The following DNMT3A variants were observed in gnomAD, a reference collection of about 807,000 sequenced individuals.
The protein encoded by DNMT3A is DNA (cytosine-5)-methyltransferase 3A.
Under a neutral mutation model 117.6 loss-of-function variants are expected in DNMT3A, and 267 were observed. That is an observed-to-expected ratio of 2.27 (90% CI 2.05 to 2.51). DNMT3A has a LOEUF of 2.51. Among genes scored for constraint, DNMT3A ranks in the 30% most tolerant of loss-of-function variants. The pLI is 0.00. For synonymous variants in DNMT3A, 432 were observed against 474.8 expected (o/e 0.91, Z 1.17); for missense variants, 1,029 against 1,260.2 (o/e 0.82, Z 2.78).
intron 6 of DNMT3A, among the ~76,000 whole-genome samples, chr2:25,259,789 G>A (rs1043204965): frequency 6.6e-5 from 10 of 152,292 alleles, no homozygotes; most frequent in Middle Eastern, 3.4e-3. Flanking sequence ...TCAGATTCAG[G>A]CATGCAGACC....
rs762563426 is a variant in DNMT3A, at chr2:25,246,761, C to A, written c.1138G>T (p.Ala380Ser). ...YEVLQVASSRAGKLFPVCHDS... is the reference protein window; with the variant it reads ...YEVLQVASSRSGKLFPVCHDS... ...TGGCACACCGGGAACAGCTTCCCCG[C>A]GCGGCTGCTGGCCACCTGGAGGGTG... The change falls in exon 10 of 23, where the codon GCG becomes TCG. Residue 380 changes from alanine (A) to serine (S), a missense_variant. Coordinates refer to ENST00000321117, the MANE Select transcript of DNMT3A (RefSeq NM_022552.5). 6.2e-7 allele frequency: 1 copy of A among 1,613,602 alleles called. No individual in the cohort carries two copies.
chr2:25,296,130 G>A lies in DNMT3A; in HGVS notation c.177+4009C>T, dbSNP rs2033073807. Among the ~76,000 whole-genome samples, 1 of 152,244 alleles carries A rather than the reference G, an allele frequency of 6.6e-6. No individual in the cohort carries two copies. Among genetic ancestry groups the A allele is most frequent in the Non-Finnish European group, 1.5e-5 (1 of 68,048 alleles). ...CAGGTGACAACAAATGCTTCTCAAAGTGAGGTCTGCAGACCACTGCAGTCC... is the reference window on the plus strand; with the variant it reads ...CAGGTGACAACAAATGCTTCTCAAAATGAGGTCTGCAGACCACTGCAGTCC... On this transcript the variant is annotated intron_variant, in intron 3 of 22. Transcript: ENST00000321117. This position sits in a 1 kb window ranked among gnomAD's most constrained non-coding sequence, Gnocchi z 4.2.
intron 1 of DNMT3A, among the ~76,000 whole-genome samples, chr2:25,322,543 T>C (rs1461123865): frequency 2.0e-5 from 3 of 150,958 alleles, no homozygotes; most frequent in Middle Eastern, 6.8e-3. Flanking sequence ...GCTGCCTGCA[T>C]CCGTAACCCC....
chr2:25,336,125 C>A (rs2035206627), intron 1 of DNMT3A, among the ~76,000 whole-genome samples: 1 of 152,246 alleles, frequency 6.6e-6, no homozygotes, highest in African/African-American at 2.4e-5. Context: ...GAAGGCCCTG[C>A]CCACCAGCTG....
intron 3 of DNMT3A, among the ~76,000 whole-genome samples, chr2:25,284,053 G>A (rs2032095066): frequency 6.6e-6 from 1 of 152,198 alleles, no homozygotes; most frequent in Non-Finnish European, 1.5e-5. Context: ...AAGAAGAATG[G>A]AGGTGTCCAG....
In DNMT3A at chr2:25,282,418, T is replaced by A. The variant is rs181544799; in HGVS notation, c.448+23A>T. ...GTATGCTGGTGGGCCCAGAAGAGGC[T>A]GCCCCTGGTGCTGAGGACTCACCCG... On this transcript the variant is annotated intron_variant, in intron 4 of 22. Transcript: ENST00000321117. The surrounding 1 kb of genome is among the most constrained non-coding windows in gnomAD (Gnocchi z 5.2). 111 of 1,608,234 alleles carry A rather than the reference T, an allele frequency of 6.9e-5. No homozygotes were observed. In the Admixed American group the frequency reaches 1.8e-3, roughly 27 times the overall value.
At chr2:25,324,450 AAC>A (rs1025625668) in intron 1 of DNMT3A, among the ~76,000 whole-genome samples, 15 of 152,334 alleles carry the variant, frequency 9.8e-5, no homozygotes, top group African/African-American at 3.6e-4. Context: ...GAGCATGCTA[AAC>A]ACACATCTCA....
Position 25,314,104 on chromosome 2 carries a change from A to G in DNMT3A, c.-120T>C. 1 of 1,433,954 alleles carries G rather than the reference A, an allele frequency of 7.0e-7. No homozygotes were observed. The highest frequency in any genetic ancestry group is 2.8e-5 in the Admixed American group (1 of 35,702). 88.8% of individuals were successfully genotyped at this position (1,433,954 alleles called of 1,614,324 possible). A position where few individuals can be genotyped will look rare whatever the true frequency, so the allele number is the denominator to read the frequency against. On this transcript the variant is annotated 5_prime_UTR_variant, in exon 2 of 23. Transcript: ENST00000321117. ...AACTTAAACATAGATCCCGGTGTTG[A>G]GCCCTCTGGTGAACGGTGCCTCTGT...
intron 4 of DNMT3A, among the ~76,000 whole-genome samples, chr2:25,277,318 C>T (rs2031505321): frequency 6.6e-6 from 1 of 152,170 alleles, no homozygotes; most frequent in East Asian, 1.9e-4. Flanking sequence ...CCAGCCTGTC[C>T]GGGGCCTCCC....
At chr2:25,310,269 GCC>G (rs1248078895) in intron 2 of DNMT3A, among the ~76,000 whole-genome samples, 1 of 151,094 alleles carries the variant, frequency 6.6e-6, no homozygotes, top group Non-Finnish European at 1.5e-5. Flanking sequence ...TGCTCCCTCT[GCC>G]CCCCACCCTC....
At chr2:25,323,097 A>T (rs1272839131) in intron 1 of DNMT3A, among the ~76,000 whole-genome samples, 1 of 151,932 alleles carries the variant, frequency 6.6e-6, no homozygotes, top group Non-Finnish European at 1.5e-5. Context: ...CCCTCACCCC[A>T]GGCAAGTGGT....
chr2:25,266,364 C>T (rs2030347598), intron 6 of DNMT3A, among the ~76,000 whole-genome samples: 1 of 152,204 alleles, frequency 6.6e-6, no homozygotes, highest in African/African-American at 2.4e-5. Flanking sequence ...AAAACTGCTT[C>T]CCATACAGTT....
Position 25,337,400 on chromosome 2 carries a change from T to G in DNMT3A, c.-178+4426A>C, listed in dbSNP as rs955679528. On this transcript the variant is annotated intron_variant, in intron 1 of 22. Transcript: ENST00000321117. This position sits in a 1 kb window ranked among gnomAD's most constrained non-coding sequence, Gnocchi z 5.0. ...CAGCTAACAGGAGGGCTCCCGCTCCTCTAAGGCTGTAACGCACATGATCTC... is the reference window on the plus strand; with the variant it reads ...CAGCTAACAGGAGGGCTCCCGCTCCGCTAAGGCTGTAACGCACATGATCTC... Among the ~76,000 whole-genome samples the G allele has an allele frequency of 6.6e-6, 1 of 152,204 alleles. No individual in the cohort carries two copies. The highest frequency in any genetic ancestry group is 2.4e-5 in the African/African-American group (1 of 41,442).
intron 1 of DNMT3A, among the ~76,000 whole-genome samples, chr2:25,326,120 G>A (rs1394156010): frequency 2.0e-5 from 3 of 149,838 alleles, no homozygotes; most frequent in Admixed American, 6.6e-5. Context: ...GTGTGTGTGT[G>A]TGTGTGTGTG....
intron 6 of DNMT3A, among the ~76,000 whole-genome samples, chr2:25,269,987 G>A (rs1310976542): frequency 1.3e-5 from 2 of 152,190 alleles, no homozygotes; most frequent in African/African-American, 2.4e-5. Context: ...TGGGGAGTGC[G>A]TTCCCAGGGA....
rs562885365 is a variant in DNMT3A, at chr2:25,312,371, C to T, written c.72+1542G>A. ...CAGAAGGGAGGAGCCTGATCGGTCG[C>T]CCCGGGCGTCCTGCCCAGTGGGCCG... On this transcript the variant is annotated intron_variant, in intron 2 of 22. Transcript: ENST00000321117. 2.6e-5 allele frequency among the ~76,000 whole-genome samples: 4 copies of T among 152,356 alleles called. No homozygotes were observed. In the South Asian group the frequency reaches 8.3e-4, roughly 32 times the overall value.
chr2:25,250,564 C>A (rs1437157540), intron 6 of DNMT3A, among the ~76,000 whole-genome samples: 1 of 152,198 alleles, frequency 6.6e-6, no homozygotes, highest in Non-Finnish European at 1.5e-5. Flanking sequence ...AATTAGCCAT[C>A]GCCTCCTCCC....
Position 25,328,859 on chromosome 2 carries a change from T to G in DNMT3A, c.-178+12967A>C, listed in dbSNP as rs115636207. On this transcript the variant is annotated intron_variant, in intron 1 of 22. Transcript: ENST00000321117. ...GCCCCAGATCCCCAAGGTGAAGGGG[T>G]TGGTGAGGGCCTAGGCTATCAGTGA... 8.8e-3 allele frequency: 3,440 copies of G among 390,812 alleles called. 111 individuals carry two copies. Among genetic ancestry groups the G allele is most frequent in the African/African-American group, 0.065 (3,159 of 48,252 alleles). The allele number at this position is 390,812 out of a possible 1,614,324, so 24.2% of individuals were successfully genotyped here. A position where few individuals can be genotyped will look rare whatever the true frequency, so the allele number is the denominator to read the frequency against.
At chr2:25,329,884 C>T (rs956058761) in intron 1 of DNMT3A, among the ~76,000 whole-genome samples, 4 of 152,186 alleles carry the variant, frequency 2.6e-5, no homozygotes, top group Non-Finnish European at 5.9e-5. Flanking sequence ...CAGGCACACG[C>T]GTTGCACATT....
Sources: gnomAD v4.1 joint callset for allele counts (sites outside exome capture counted in the v4.1 genomes callset) on GRCh38, gnomAD v4.1.1 for gene constraint, Gnocchi (gnomAD v3.1) non-coding constraint, MANE v1.5 for transcripts, NCBI Gene and HGNC (gene_info 2026-07-23, HGNC 2026-07-21) for gene names.